DLGAP2: variants seen among roughly 807,000 people sequenced by gnomAD.
DLGAP2 encodes disks large-associated protein 2.
Under a neutral mutation model 100.3 loss-of-function variants are expected in DLGAP2, and 26 were observed. The observed-to-expected ratio is 0.26, with a 90% CI of 0.19 to 0.36. The LOEUF (loss-of-function observed/expected upper bound fraction) is 0.36, where lower values mean the gene tolerates loss of function less well. DLGAP2 is among the 10% of genes least tolerant of loss of function. DLGAP2 has a pLI of 1.00. For missense variants in DLGAP2, 1,858 were observed against 1,453.2 expected, an observed-to-expected ratio of 1.28 and a Z score of -4.53; for synonymous variants, 886 against 630.1, an observed-to-expected ratio of 1.41 and a Z score of -6.08.
chr8:1,009,026 A>C (rs112909023), intron 2 of DLGAP2, among the ~76,000 whole-genome samples: 1,620 of 152,230 alleles, frequency 0.011, 32 homozygotes, highest in African/African-American at 0.037. Flanking sequence ...CTTCCCACCC[A>C]TGGGATTTCC....
At chr8:983,667 G>A (rs920377637) in intron 2 of DLGAP2, among the ~76,000 whole-genome samples, 4 of 152,140 alleles carry the variant, frequency 2.6e-5, no homozygotes, top group African/African-American at 7.2e-5. Flanking sequence ...TTTTGGGATA[G>A]GACCTTGCTC....
intron 3 of DLGAP2, among the ~76,000 whole-genome samples, chr8:1,447,623 A>G (rs187366742): frequency 5.9e-5 from 9 of 152,262 alleles, no homozygotes; most frequent in Admixed American, 2.0e-4. Flanking sequence ...TGAGGATTCC[A>G]TCTTTTTCTA....
chr8:771,023 G>A (rs1435664586), intron 1 of DLGAP2, among the ~76,000 whole-genome samples: 7 of 152,040 alleles, frequency 4.6e-5, no homozygotes, highest in African/African-American at 1.7e-4. Flanking sequence ...AAGTGTGAGT[G>A]TCCTATTCTC....
chr8:1,502,940 G>C (rs1400949718), intron 4 of DLGAP2, among the ~76,000 whole-genome samples: 3 of 152,084 alleles, frequency 2.0e-5, no homozygotes, highest in Non-Finnish European at 2.9e-5. Context: ...CTGGAGGCTG[G>C]AGCAGGGGGC....
intron 3 of DLGAP2, among the ~76,000 whole-genome samples, chr8:1,367,331 TC>T (rs1414828426): frequency 1.3e-5 from 2 of 152,250 alleles, no homozygotes; most frequent in Non-Finnish European, 2.9e-5. Flanking sequence ...TTTTGGATTC[TC>T]CTTTTCATCT....
In DLGAP2 at chr8:1,626,863, G is replaced by A. The variant is rs1297663776; in HGVS notation, c.1566G>A (p.Leu522=). 1.9e-6 allele frequency: 3 copies of A among 1,605,854 alleles called. No homozygotes were observed. The highest frequency in any genetic ancestry group is 1.1e-5 in the South Asian group (1 of 88,702). Residue 522 remains leucine (L), a synonymous_variant, in exon 7 of 15, where the codon CTG becomes CTA. Coordinates refer to ENST00000637795, the MANE Select transcript of DLGAP2 (RefSeq NM_001346810.2). ...GCTACATGAGGGCCGTCAGCACCCT[G>A]AGCCAGGCCAGCTGCGTGAGCCAGG... ...NQSYMRAVST[L]SQASCVSQVS... is the part of the protein sequence containing the mutation.
At chr8:1,375,126 G>A (rs944736014) in intron 3 of DLGAP2, among the ~76,000 whole-genome samples, 1 of 138,826 alleles carries the variant, frequency 7.2e-6, no homozygotes, top group Non-Finnish European at 1.5e-5. Context: ...TTGGGTTAAC[G>A]ACACCTCTCC....
intron 2 of DLGAP2, among the ~76,000 whole-genome samples, chr8:1,122,257 A>G (rs771134586): frequency 6.6e-5 from 10 of 152,178 alleles, no homozygotes; most frequent in Non-Finnish European, 1.2e-4. Flanking sequence ...TCTTCTGTCC[A>G]TGGAGACAGA....
At chr8:897,949 G>A (rs944993002) in intron 1 of DLGAP2, among the ~76,000 whole-genome samples, 2 of 152,156 alleles carry the variant, frequency 1.3e-5, no homozygotes, top group Non-Finnish European at 2.9e-5. Flanking sequence ...TGCTGTCTCA[G>A]TGCCTGTGGT....
intron 2 of DLGAP2, among the ~76,000 whole-genome samples, chr8:912,939 T>C (rs1798518574): frequency 6.6e-6 from 1 of 152,040 alleles, no homozygotes; most frequent in Non-Finnish European, 1.5e-5. Flanking sequence ...TTTCCTGTGG[T>C]CTTTCCCCTC....
chr8:1,199,520 C>G (rs532374075), intron 2 of DLGAP2, among the ~76,000 whole-genome samples: 40 of 152,180 alleles, frequency 2.6e-4, no homozygotes, highest in Non-Finnish European at 5.4e-4. Context: ...GTGTCTGGAT[C>G]ACAGCACAGC....
intron 14 of DLGAP2, among the ~76,000 whole-genome samples, chr8:1,699,656 G>A (rs1799513249): frequency 6.6e-6 from 1 of 152,138 alleles, no homozygotes; most frequent in Admixed American, 6.5e-5. Flanking sequence ...CTCGCTGAGG[G>A]CAGAGCACGC....
At chr8:867,381 C>G (rs1252931653) in intron 1 of DLGAP2, among the ~76,000 whole-genome samples, 1 of 152,156 alleles carries the variant, frequency 6.6e-6, no homozygotes, top group African/African-American at 2.4e-5. Flanking sequence ...TCCTAATTTG[C>G]TGGAGTCAGC....
At chr8:1,088,787 CA>C (rs1804064979) in intron 2 of DLGAP2, among the ~76,000 whole-genome samples, 2 of 105,534 alleles carry the variant, frequency 1.9e-5, no homozygotes, top group African/African-American at 3.8e-5. Flanking sequence ...ATGCAATTCT[CA>C]CTCCCCCCAC....
At chr8:1,187,095 A>T (rs369006129) in intron 2 of DLGAP2, among the ~76,000 whole-genome samples, 2 of 152,234 alleles carry the variant, frequency 1.3e-5, no homozygotes, top group African/African-American at 4.8e-5. Context: ...AGATGCATCA[A>T]TACGTTCAAA....
At chr8:1,375,125 C>G (rs1025754657) in intron 3 of DLGAP2, among the ~76,000 whole-genome samples, 1 of 141,832 alleles carries the variant, frequency 7.1e-6, no homozygotes, top group Non-Finnish European at 1.5e-5. Flanking sequence ...TTTGGGTTAA[C>G]GACACCTCTC....
At chr8:777,439 C>G (rs563122163) in intron 1 of DLGAP2, among the ~76,000 whole-genome samples, 40 of 152,004 alleles carry the variant, frequency 2.6e-4, no homozygotes, top group Middle Eastern at 3.4e-3. Context: ...CAGTTTCTTC[C>G]TAGTCTCGAT....
chr8:1,288,607 T>C (rs1799991671), intron 3 of DLGAP2, among the ~76,000 whole-genome samples: 1 of 109,664 alleles, frequency 9.1e-6, no homozygotes, highest in African/African-American at 3.9e-5. Context: ...TGTGTGTGTG[T>C]GGTAGGAGGG....
chr8:1,519,290 A>G (rs1481933021), intron 4 of DLGAP2, among the ~76,000 whole-genome samples: 2 of 141,024 alleles, frequency 1.4e-5, no homozygotes, highest in Non-Finnish European at 3.0e-5. Context: ...AAAAGCATAG[A>G]ACCCTTGTCT....
Sources: allele counts gnomAD v4.1 joint callset (sites outside exome capture counted in the v4.1 genomes callset), GRCh38; gene constraint gnomAD v4.1.1; transcripts MANE v1.5; gene names NCBI Gene and HGNC (gene_info 2026-07-23, HGNC 2026-07-21).